The following PVALEF variants were observed in gnomAD, a reference collection of about 807,000 sequenced individuals.
PVALEF encodes parvalbumin like EF-hand containing.
Under a neutral mutation model 1.2 loss-of-function variants are expected in PVALEF, and 2 were observed. That is an observed-to-expected ratio of 1.68 (90% CI 0.69 to 5.28). The LOEUF is 5.28. Ranked by LOEUF, PVALEF falls within the 30% of genes most tolerant of loss-of-function variation. PVALEF has a pLI of 0.06. For synonymous variants in PVALEF, 16 were observed against 6.5 expected (o/e 2.47, Z -2.24); for missense variants, 35 against 17.7 (o/e 1.97, Z -1.75).
intron 1 of PVALEF, chr17:81,166,025 G>C: frequency 1.3e-6 from 2 of 1,522,682 alleles, no homozygotes; most frequent in Non-Finnish European, 1.8e-6. Flanking sequence ...CATCCCGGGA[G>C]GGCGCTGCGC....
At chr17:81,181,889 G>T (rs2061555490) in intron 5 of PVALEF, 77 bp from the exon 6 acceptor site, 1 of 398,138 alleles carries the variant, frequency 2.5e-6, no homozygotes, top group Non-Finnish European at 4.4e-6. Context: ...CCTACAAGGT[G>T]GGGGGCGAAC....
chr17:81,169,832 GTCTT>G (rs2061512480), intron 2 of PVALEF, among the ~76,000 whole-genome samples: 1 of 144,948 alleles, frequency 6.9e-6, no homozygotes, highest in Non-Finnish European at 1.6e-5. Context: ...GTGTGTGTCT[GTCTT>G]GGTAGGTATA....
At chr17:81,177,438 C>T (rs1196791772) in intron 2 of PVALEF, among the ~76,000 whole-genome samples, 1 of 151,634 alleles carries the variant, frequency 6.6e-6, no homozygotes. Context: ...ATTCCAGCTA[C>T]TTGGGAGTTT....
In PVALEF at chr17:81,165,582, C is replaced by T. The variant is rs1319780030; in HGVS notation, c.-673C>T. On this transcript the variant is annotated 5_prime_UTR_variant, in exon 1 of 7. Transcript: ENST00000637878. ...AGGAGAGGCCATGGAAAGCCTGAACCCCAGCTGGCTGACACCCCCCACACC... is the reference window on the plus strand; with the variant it reads ...AGGAGAGGCCATGGAAAGCCTGAACTCCAGCTGGCTGACACCCCCCACACC... The T allele has an allele frequency of 7.7e-7, 1 of 1,306,824 alleles. No individual in the cohort carries two copies. The highest frequency in any genetic ancestry group is 1.3e-5 in the South Asian group (1 of 79,972). The allele number at this position is 1,306,824 out of a possible 1,614,324, so 81.0% of individuals were successfully genotyped here. A position where few individuals can be genotyped will look rare whatever the true frequency, so the allele number is the denominator to read the frequency against.
chr17:81,181,417 T>C (rs772602446), intron 4 of PVALEF, 85 bp downstream of exon 4: 10 of 582,268 alleles, frequency 1.7e-5, no homozygotes, highest in Non-Finnish European at 2.5e-5. Flanking sequence ...CTGGGGCTGA[T>C]GGGTCCAGGA....
chr17:81,167,841 G>A (rs2061504239), intron 2 of PVALEF, among the ~76,000 whole-genome samples: 1 of 152,246 alleles, frequency 6.6e-6, no homozygotes, highest in Non-Finnish European at 1.5e-5. Flanking sequence ...TAGAGTGGCT[G>A]AAGGGGGCCT....
At chr17:81,169,941 T>G (rs1186677145) in intron 2 of PVALEF, among the ~76,000 whole-genome samples, 4 of 151,966 alleles carry the variant, frequency 2.6e-5, no homozygotes, top group Non-Finnish European at 5.9e-5. Flanking sequence ...TGTCTGCATA[T>G]GTGTAGGCAC....
intron 6 of PVALEF, among the ~76,000 whole-genome samples, chr17:81,182,607 T>A (rs1450090297): frequency 2.0e-5 from 3 of 152,122 alleles, no homozygotes; most frequent in Non-Finnish European, 2.9e-5. Flanking sequence ...CCCCAGCTGC[T>A]CCGTGCCTCA....
rs534158151 is a variant in PVALEF at position 81,177,785 on chromosome 17, C to T, written c.-339-1133C>T. ...AATAAACCTGATTGCTTCATCTCAT[C>T]CAAAAGCTATTACAGATAATATTTC... is the stretch of plus-strand genomic sequence containing the variant. On this transcript the variant is annotated intron_variant, in intron 2 of 6. Coordinates refer to ENST00000637878, the MANE Select transcript of PVALEF (RefSeq NM_001354639.2). 9.2e-4 allele frequency among the ~76,000 whole-genome samples: 140 copies of T among 152,318 alleles called. 2 individuals carry two copies. In the South Asian group the frequency reaches 0.028, roughly 30 times the overall value.
Position 81,166,854 on chromosome 17 carries a change from G to T in PVALEF, c.-340+10G>T, listed in dbSNP as rs2061497514. On this transcript the variant is annotated intron_variant, in intron 2 of 6. Coordinates refer to ENST00000637878, the MANE Select transcript of PVALEF (RefSeq NM_001354639.2). ...CCGTGGACTGTACCAGGTGCTTAGG[G>T]CAGCAGGTTGGCCTGGGCGCTGAGG... 3 of 406,988 alleles carry T rather than the reference G, an allele frequency of 7.4e-6. No homozygotes were observed. The highest frequency in any genetic ancestry group is 1.5e-5 in the Non-Finnish European group (3 of 198,148). 25.2% of individuals were successfully genotyped at this position (406,988 alleles called of 1,614,324 possible).
intron 1 of PVALEF, 111 bp downstream of exon 1, chr17:81,165,858 CG>C: frequency 1.3e-6 from 2 of 1,532,152 alleles, no homozygotes; most frequent in South Asian, 2.4e-5. Context: ...CCATGCAAAC[CG>C]GGAGCCGTGG....
At chr17:81,170,647 G>A (rs1318387331) in intron 2 of PVALEF, among the ~76,000 whole-genome samples, 1 of 152,144 alleles carries the variant, frequency 6.6e-6, no homozygotes, top group Non-Finnish European at 1.5e-5. Context: ...TCCTGCAGAT[G>A]TCTGAATCCC....
chr17:81,165,893 G>A, intron 1 of PVALEF, 146 bp downstream of exon 1: 1 of 1,557,062 alleles, frequency 6.4e-7, no homozygotes, highest in Non-Finnish European at 8.7e-7. Context: ...CACGTCCGCA[G>A]CGGAGGGAGG....
In PVALEF at chr17:81,171,553, G is replaced by A. The variant is rs113917999; in HGVS notation, c.-340+4709G>A. Among the ~76,000 whole-genome samples the A allele has an allele frequency of 6.4e-3, 967 of 152,216 alleles. 4 individuals carry two copies. Among genetic ancestry groups the A allele is most frequent in the Middle Eastern group, 0.01 (3 of 294 alleles). ...GTTACCTAGGCTGGAGTGCAGTGAC[G>A]CCATCTCGGCTCACTGCAAGCTCCG... On this transcript the variant is annotated intron_variant, in intron 2 of 6. Transcript: ENST00000637878.
At chr17:81,166,015 C>A in intron 1 of PVALEF, 2 of 1,542,022 alleles carry the variant, frequency 1.3e-6, no homozygotes, top group Non-Finnish European at 1.7e-6. Flanking sequence ...GGCCGGCGGG[C>A]ATCCCGGGAG....
intron 1 of PVALEF, 77 bp downstream of exon 1, chr17:81,165,824 TC>T: frequency 1.3e-6 from 2 of 1,507,066 alleles, no homozygotes. Context: ...GCTGCTGGGC[TC>T]GGGGCGGGGA....
At chr17:81,181,421 T>A in intron 4 of PVALEF, 89 bp downstream of exon 4, 1 of 549,950 alleles carries the variant, frequency 1.8e-6, no homozygotes, top group Non-Finnish European at 3.2e-6. Context: ...GGCTGATGGG[T>A]CCAGGACACC....
intron 3 of PVALEF, 24 bp from the exon 4 acceptor site, chr17:81,181,090 ACTGTGACGC>A: frequency 1.6e-6 from 1 of 618,388 alleles, no homozygotes; most frequent in Middle Eastern, 2.5e-4. Context: ...TGACCCCAAC[ACTGTGACGC>A]CTGTCACCAT....
chr17:81,165,690 T>G lies in PVALEF; in HGVS notation c.-565T>G. 1 of 1,514,550 alleles carries G rather than the reference T, an allele frequency of 6.6e-7. No individual in the cohort carries two copies. The highest frequency in any genetic ancestry group is 8.8e-7 in the Non-Finnish European group (1 of 1,133,214). The allele number at this position is 1,514,550 out of a possible 1,614,324, so 93.8% of individuals were successfully genotyped here. A position where few individuals can be genotyped will look rare whatever the true frequency, so the allele number is the denominator to read the frequency against. On this transcript the variant is annotated 5_prime_UTR_variant, in exon 1 of 7. Transcript: ENST00000637878. ...CTCCGTGCCCCAGTTACCTGTGCCCTGGAGGCAGCCACGGAGTCACGACCA... is the reference window on the plus strand; with the variant it reads ...CTCCGTGCCCCAGTTACCTGTGCCCGGGAGGCAGCCACGGAGTCACGACCA...
Sources: allele counts gnomAD v4.1 joint callset (sites outside exome capture counted in the v4.1 genomes callset), GRCh38; gene constraint gnomAD v4.1.1; transcripts MANE v1.5; gene names NCBI Gene and HGNC (gene_info 2026-07-23, HGNC 2026-07-21).